The following GPA33 variants were observed in gnomAD, a reference collection of about 807,000 sequenced individuals.
The protein encoded by GPA33 is cell surface A33 antigen.
A neutral mutation model predicts 35.6 loss-of-function variants in GPA33; 27 were observed. That is an observed-to-expected ratio of 0.76 (90% CI 0.56 to 1.04). GPA33 has a LOEUF of 1.04. GPA33 is among the 50% of genes least tolerant of loss of function. The pLI is 0.00. For synonymous variants in GPA33, 176 were observed against 164.0 expected (o/e 1.07, Z -0.56); for missense variants, 428 against 411.9 (o/e 1.04, Z -0.34).
At chr1:167,074,447 G>A (rs1666781503) in intron 1 of GPA33, among the ~76,000 whole-genome samples, 1 of 152,154 alleles carries the variant, frequency 6.6e-6, no homozygotes, top group African/African-American at 2.4e-5. Context: ...CCCAGACATG[G>A]GAGTGAGCAA....
intron 1 of GPA33, among the ~76,000 whole-genome samples, chr1:167,074,445 T>G (rs1666781436): frequency 6.6e-6 from 1 of 152,080 alleles, no homozygotes; most frequent in Non-Finnish European, 1.5e-5. Context: ...CTCCCAGACA[T>G]GGGAGTGAGC....
rs1284324859 is a variant in GPA33, at chr1:167,082,044, G to A, written c.43+8201C>T. On this transcript the variant is annotated intron_variant, in intron 1 of 6. Transcript: ENST00000367868. ...AGGAGCTGAGTTAAAACCAGGAAAA[G>A]AGATTTAATGGGAAGGCTTATTGAG... Among the ~76,000 whole-genome samples the A allele has an allele frequency of 3.9e-5, 6 of 152,152 alleles. No homozygotes were observed. The East Asian group carries it at 7.7e-4, about 20-fold the overall frequency.
intron 1 of GPA33, among the ~76,000 whole-genome samples, chr1:167,077,555 C>T (rs1030202453): frequency 6.6e-6 from 1 of 152,182 alleles, no homozygotes; most frequent in Non-Finnish European, 1.5e-5. Context: ...ACTGGCAGAA[C>T]CTAAATGGCC....
chr1:167,052,954 T>C lies in GPA33; in HGVS notation c.*1380A>G, dbSNP rs1026293629. 2 of 152,192 alleles carry C rather than the reference T, an allele frequency of 1.3e-5. No individual in the cohort carries two copies. The highest frequency in any genetic ancestry group is 6.5e-5 in the Admixed American group (1 of 15,280). The allele number at this position is 152,192 out of a possible 1,614,324, so 9.4% of individuals were successfully genotyped here. A position where few individuals can be genotyped will look rare whatever the true frequency, so the allele number is the denominator to read the frequency against. On this transcript the variant is annotated 3_prime_UTR_variant, in exon 7 of 7. Coordinates refer to ENST00000367868, the MANE Select transcript of GPA33 (RefSeq NM_005814.3). The stretch of plus-strand genomic sequence containing the variant: ...AAATCGCAAGTAGACAATAGATTTA[T>C]GGAATTATTTTTCTGATCATCCAGA...
At chr1:167,055,958 T>C in intron 4 of GPA33, 109 bp from the exon 5 acceptor site, 1 of 1,135,186 alleles carries the variant, frequency 8.8e-7, no homozygotes, top group South Asian at 1.4e-5. Flanking sequence ...CCACTGAGCT[T>C]CTTCAGGCCG....
intron 1 of GPA33, among the ~76,000 whole-genome samples, chr1:167,086,748 T>TG (rs1234515265): frequency 6.6e-6 from 1 of 152,174 alleles, no homozygotes. Flanking sequence ...CTTTTTTATA[T>TG]GGGGGGAGAA....
intron 1 of GPA33, among the ~76,000 whole-genome samples, chr1:167,089,039 A>T (rs779801925): frequency 2.0e-5 from 3 of 152,196 alleles, no homozygotes; most frequent in Non-Finnish European, 4.4e-5. Flanking sequence ...TGAGCCAACC[A>T]GTCCATCTTG....
At chr1:167,079,267 C>G (rs796395079) in intron 1 of GPA33, among the ~76,000 whole-genome samples, 100 of 151,904 alleles carry the variant, frequency 6.6e-4, no homozygotes, top group Non-Finnish European at 8.1e-4. Context: ...CTAAGGCGGG[C>G]GGATTGCCTG....
At chr1:167,055,149 T>C (rs199580563) in intron 5 of GPA33, 38 bp from the exon 6 acceptor site, 1 of 1,606,308 alleles carries the variant, frequency 6.2e-7, no homozygotes, top group Non-Finnish European at 8.5e-7. Flanking sequence ...GCCGAGCTTC[T>C]AAGCTAGCTC....
intron 1 of GPA33, among the ~76,000 whole-genome samples, chr1:167,084,894 A>G (rs747820426): frequency 6.6e-6 from 1 of 152,276 alleles, no homozygotes; most frequent in Non-Finnish European, 1.5e-5. Context: ...AAAATGTAAC[A>G]GATGACTGCT....
At chr1:167,055,613 TGC>T in intron 5 of GPA33, 115 bp downstream of exon 5, 1 of 1,106,202 alleles carries the variant, frequency 9.0e-7, no homozygotes, top group South Asian at 1.4e-5. Flanking sequence ...AACCTGCAGG[TGC>T]GTGGCCCTAG....
rs989569104 is a variant in GPA33 at position 167,054,563 on chromosome 1, G to A, written c.828-97C>T. The A allele has an allele frequency of 9.6e-6, 14 of 1,463,168 alleles. No homozygotes were observed. The African/African-American group carries it at 1.9e-4, about 20-fold the overall frequency. The allele number at this position is 1,463,168 out of a possible 1,614,324, so 90.6% of individuals were successfully genotyped here. A position where few individuals can be genotyped will look rare whatever the true frequency, so the allele number is the denominator to read the frequency against. ...TGCATTACAGGAAGAGCAGCCTCCA[G>A]ACCTCCTCCCCACCCACCAGCTGCA... On this transcript the variant is annotated intron_variant, in intron 6 of 6. Coordinates refer to ENST00000367868, the MANE Select transcript of GPA33 (RefSeq NM_005814.3).
chr1:167,069,846 A>T lies in GPA33; in HGVS notation c.199-708T>A, dbSNP rs112241566. 1.5e-3 allele frequency among the ~76,000 whole-genome samples: 234 copies of T among 152,396 alleles called. 2 individuals carry two copies. The highest frequency in any genetic ancestry group is 5.2e-3 in the African/African-American group (217 of 41,604). ...GTAATATACACAAAGCAGTTAGGGC[A>T]TTATGTGACATGTTAAGTTTCTAGA... On this transcript the variant is annotated intron_variant, in intron 2 of 6. Coordinates refer to ENST00000367868, the MANE Select transcript of GPA33 (RefSeq NM_005814.3).
intron 4 of GPA33, among the ~76,000 whole-genome samples, chr1:167,059,786 C>T (rs375206280): frequency 4.8e-4 from 73 of 152,306 alleles, no homozygotes; most frequent in African/African-American, 1.8e-3. Context: ...AAGGGCAGTA[C>T]TAAGGGTCCG....
chr1:167,063,496 G>A, intron 4 of GPA33, 86 bp downstream of exon 4: 1 of 1,272,490 alleles, frequency 7.9e-7, no homozygotes, highest in East Asian at 2.4e-5. Context: ...GATCTGATCG[G>A]TCAACCCAAG....
intron 2 of GPA33, among the ~76,000 whole-genome samples, chr1:167,071,599 G>A (rs1014305971): frequency 1.2e-4 from 18 of 152,190 alleles, no homozygotes; most frequent in African/African-American, 4.1e-4. Flanking sequence ...ACAAGCGAGG[G>A]AGAAACAAGA....
chr1:167,055,111 G>A lies in GPA33; in HGVS notation c.692C>T (p.Pro231Leu), dbSNP rs1242331893. Residue 231 changes from proline (P) to leucine (L), a missense_variant and splice_region_variant, in exon 6 of 7, where the codon CCC becomes CTC. By Grantham distance (98) the Pro-to-Leu change is moderately conservative. Transcript: ENST00000367868. ...CACATACAGGGCCACGTTCATGGAG[G>A]CTGCAAGAGGACAGAGCAGCTGCAC... The part of the protein sequence containing the change: ...FCNITVAVRS[P>L]SMNVALYVGI... 1.9e-6 allele frequency: 3 copies of A among 1,612,092 alleles called. No homozygotes were observed. Among genetic ancestry groups the A allele is most frequent in the East Asian group, 2.2e-5 (1 of 44,812 alleles).
intron 4 of GPA33, among the ~76,000 whole-genome samples, chr1:167,056,947 G>T (rs1390712449): frequency 1.5e-5 from 2 of 131,632 alleles, no homozygotes; most frequent in Admixed American, 1.5e-4. Flanking sequence ...TGTGTGTGGC[G>T]TGTGTAGTAT....
At chr1:167,072,196 TA>T (rs745539612) in intron 2 of GPA33, among the ~76,000 whole-genome samples, 28 of 152,290 alleles carry the variant, frequency 1.8e-4, no homozygotes, top group East Asian at 1.7e-3. Context: ...TCTTTCCTGT[TA>T]GGGAAAAAGC....
Sources: allele counts gnomAD v4.1 joint callset (sites outside exome capture counted in the v4.1 genomes callset), GRCh38; gene constraint gnomAD v4.1.1; transcripts MANE v1.5; gene names NCBI Gene and HGNC (gene_info 2026-07-23, HGNC 2026-07-21).